NUMB: variants seen among roughly 807,000 people sequenced by gnomAD.
NUMB encodes protein numb homolog.
Under a neutral mutation model 59.7 loss-of-function variants are expected in NUMB, and 29 were observed. The observed-to-expected ratio is 0.49, with a 90% CI of 0.36 to 0.66. The LOEUF (loss-of-function observed/expected upper bound fraction) is 0.66, where lower values mean the gene tolerates loss of function less well. Ranked by LOEUF, NUMB falls within the 30% of genes least tolerant of loss-of-function variation. The pLI is 0.00. For synonymous variants in NUMB, 288 were observed against 288.2 expected (o/e 1.00, Z 0.01); for missense variants, 723 against 822.0 (o/e 0.88, Z 1.47).
intron 6 of NUMB, chr14:73,298,432 GA>G (rs1368015876): frequency 6.6e-6 from 1 of 152,068 alleles, no homozygotes; most frequent in South Asian, 2.1e-4. Flanking sequence ...AAAAACTACT[GA>G]AAAAATAATT....
At chr14:73,410,505 T>C (rs1462292576) in intron 1 of NUMB, among the ~76,000 whole-genome samples, 3 of 152,210 alleles carry the variant, frequency 2.0e-5, no homozygotes, top group Admixed American at 6.5e-5. Context: ...AAGGGGAAGG[T>C]TGAATTAAAT....
intron 3 of NUMB, among the ~76,000 whole-genome samples, chr14:73,362,866 G>C (rs778967248): frequency 6.6e-6 from 1 of 152,150 alleles, no homozygotes; most frequent in Non-Finnish European, 1.5e-5. Context: ...GAGTGATCAT[G>C]GGCTGGGTGC....
chr14:73,401,072 CT>C (rs1441064428), intron 2 of NUMB, among the ~76,000 whole-genome samples: 2 of 152,170 alleles, frequency 1.3e-5, no homozygotes, highest in African/African-American at 4.8e-5. Context: ...AGCCCTCAAC[CT>C]GTGGGATCTG....
intron 8 of NUMB, among the ~76,000 whole-genome samples, chr14:73,291,700 T>A (rs1889413194): frequency 6.6e-6 from 1 of 151,220 alleles, no homozygotes; most frequent in South Asian, 2.1e-4. Flanking sequence ...TTCTTTTTTT[T>A]TTGGCCAGAG....
intron 4 of NUMB, among the ~76,000 whole-genome samples, chr14:73,337,048 A>G (rs1025069598): frequency 1.3e-5 from 2 of 150,946 alleles, no homozygotes; most frequent in African/African-American, 2.4e-5. Flanking sequence ...CCTGGCCAAC[A>G]TGGTGAAACC....
At chr14:73,339,062 G>A (rs1892497928) in intron 4 of NUMB, among the ~76,000 whole-genome samples, 2 of 152,114 alleles carry the variant, frequency 1.3e-5, no homozygotes, top group Admixed American at 1.3e-4. Flanking sequence ...CTTACCCACT[G>A]CAATTCTCTG....
At chr14:73,432,312 T>C (rs1003819141) in intron 1 of NUMB, among the ~76,000 whole-genome samples, 1 of 151,652 alleles carries the variant, frequency 6.6e-6, no homozygotes, top group African/African-American at 2.4e-5. Flanking sequence ...AATAAGACAG[T>C]GTAATATTGA....
intron 6 of NUMB, among the ~76,000 whole-genome samples, chr14:73,307,366 T>A (rs1338295254): frequency 8.4e-5 from 11 of 130,924 alleles, no homozygotes; most frequent in African/African-American, 2.6e-4. Context: ...TGGGGGAGAG[T>A]GGTGTTTGGA....
intron 9 of NUMB, chr14:73,286,701 T>C (rs1889028012): frequency 4.5e-6 from 1 of 223,078 alleles, no homozygotes; most frequent in Admixed American, 5.1e-5. Context: ...GTTAAATCTC[T>C]CTGCTAGCAT....
intron 2 of NUMB, among the ~76,000 whole-genome samples, chr14:73,379,845 A>G (rs74064621): frequency 6.6e-6 from 1 of 152,136 alleles, no homozygotes. Flanking sequence ...AAGAAAGCCG[A>G]ATGTTTCAGA....
At chr14:73,440,082 C>G (rs946668705) in intron 1 of NUMB, among the ~76,000 whole-genome samples, 4 of 152,004 alleles carry the variant, frequency 2.6e-5, no homozygotes, top group African/African-American at 9.7e-5. Context: ...AAAAGGCCAA[C>G]AAATTGCTAT....
At chr14:73,393,673 T>G (rs1895969522) in intron 2 of NUMB, among the ~76,000 whole-genome samples, 2 of 152,234 alleles carry the variant, frequency 1.3e-5, no homozygotes, top group Non-Finnish European at 2.9e-5. Flanking sequence ...CCAGTGCCAA[T>G]GAAATATGGC....
chr14:73,278,591 CA>C (rs1888363607), intron 12 of NUMB, among the ~76,000 whole-genome samples: 1 of 150,414 alleles, frequency 6.6e-6, no homozygotes, highest in Non-Finnish European at 1.5e-5. Flanking sequence ...TACAAAAAAG[CA>C]AAAATGAAGT....
intron 11 of NUMB, 132 bp downstream of exon 11, chr14:73,282,227 G>T: frequency 2.7e-6 from 2 of 729,544 alleles, no homozygotes; most frequent in Non-Finnish European, 4.3e-6. Flanking sequence ...ATGAATCTAA[G>T]ACATCAAATA....
At chr14:73,455,681 G>T (rs576721033) in intron 1 of NUMB, among the ~76,000 whole-genome samples, 23 of 152,214 alleles carry the variant, frequency 1.5e-4, no homozygotes, top group African/African-American at 5.3e-4. Context: ...TTAGTGTAAG[G>T]ATAAGAAATA....
In NUMB at chr14:73,279,258, A is replaced by C. The variant is rs748285362; in HGVS notation, c.1240+23T>G. On this transcript the variant is annotated intron_variant, in intron 12 of 12. Transcript: ENST00000555238. ...TCACTTATCTGATCCCAGAATCCTC[A>C]ACACCATCTGTGGCCACCTTACCCG... The C allele has an allele frequency of 6.8e-6, 11 of 1,614,116 alleles. No individual in the cohort carries two copies. In the South Asian group the frequency reaches 1.1e-4, roughly 16 times the overall value.
intron 1 of NUMB, among the ~76,000 whole-genome samples, chr14:73,456,785 G>T (rs1884404480): frequency 6.6e-6 from 1 of 152,104 alleles, no homozygotes; most frequent in African/African-American, 2.4e-5. Context: ...TTAAAGTGTG[G>T]TCCTCTGACC....
chr14:73,351,089 A>T (rs947526367), intron 4 of NUMB, among the ~76,000 whole-genome samples: 1 of 152,204 alleles, frequency 6.6e-6, no homozygotes, highest in African/African-American at 2.4e-5. Flanking sequence ...TGACAGGTAC[A>T]CTAAAAGCCC....
At chr14:73,396,755 G>A (rs1896158859) in intron 2 of NUMB, among the ~76,000 whole-genome samples, 1 of 152,094 alleles carries the variant, frequency 6.6e-6, no homozygotes, top group African/African-American at 2.4e-5. Flanking sequence ...AGACCAATCA[G>A]ATAATTTACG....
Sources: gnomAD v4.1 joint callset for allele counts (sites outside exome capture counted in the v4.1 genomes callset) on GRCh38, gnomAD v4.1.1 for gene constraint, MANE v1.5 for transcripts, NCBI Gene and HGNC (gene_info 2026-07-23, HGNC 2026-07-21) for gene names.